Variants in PCNX1 observed in about 807,000 individuals in gnomAD.
PCNX1 encodes pecanex 1.
A neutral mutation model predicts 242.2 loss-of-function variants in PCNX1; 78 were observed. The observed-to-expected ratio is 0.32, with a 90% CI of 0.27 to 0.39. The LOEUF (loss-of-function observed/expected upper bound fraction) is 0.39, where lower values mean the gene tolerates loss of function less well. PCNX1 is among the 10% of genes least tolerant of loss of function. PCNX1 has a pLI of 1.00. For synonymous variants in PCNX1, 1,024 were observed against 1,032.9 expected, an observed-to-expected ratio of 0.99 and a Z score of 0.17; for missense variants, 2,581 against 2,856.5, an observed-to-expected ratio of 0.90 and a Z score of 2.20.
At chr14:70,917,558 G>T (rs1341429176) in intron 1 of PCNX1, among the ~76,000 whole-genome samples, 1 of 152,168 alleles carries the variant, frequency 6.6e-6, no homozygotes, top group Non-Finnish European at 1.5e-5. Flanking sequence ...AGACCAGTAG[G>T]TCTCAAAGAT....
intron 18 of PCNX1, among the ~76,000 whole-genome samples, chr14:71,034,700 A>T (rs962837081): frequency 6.6e-6 from 1 of 152,238 alleles, no homozygotes; most frequent in African/African-American, 2.4e-5. Context: ...GAATTTATGT[A>T]GATGTTGAAT....
intron 18 of PCNX1, among the ~76,000 whole-genome samples, chr14:71,034,773 T>A (rs2060483954): frequency 1.3e-5 from 2 of 152,308 alleles, no homozygotes; most frequent in South Asian, 4.1e-4. Context: ...ACTTTAGAAA[T>A]ACAAAACTAT....
Position 71,089,424 on chromosome 14 carries a change from C to G in PCNX1, c.5589+82C>G, listed in dbSNP as rs534343396. 8 of 1,056,826 alleles carry G rather than the reference C, an allele frequency of 7.6e-6. No homozygotes were observed. The African/African-American group carries it at 7.9e-5, about 10-fold the overall frequency. The allele number at this position is 1,056,826 out of a possible 1,614,324, so 65.5% of individuals were successfully genotyped here. On this transcript the variant is annotated intron_variant, in intron 30 of 35. Coordinates refer to ENST00000304743, the MANE Select transcript of PCNX1 (RefSeq NM_014982.3). The stretch of plus-strand genomic sequence containing the variant: ...TGATTTCAATATTAGTCCATTCTCA[C>G]GCTGCTGTAAGGAATACCCGAGACT...
chr14:71,097,186 T>A (rs557784947), intron 30 of PCNX1, among the ~76,000 whole-genome samples: 2 of 152,354 alleles, frequency 1.3e-5, no homozygotes, highest in South Asian at 4.1e-4. Flanking sequence ...GGTGTATACG[T>A]ACCTCATTTC....
chr14:70,952,211 A>C (rs1218371962), intron 2 of PCNX1, among the ~76,000 whole-genome samples: 1 of 152,144 alleles, frequency 6.6e-6, no homozygotes, highest in Non-Finnish European at 1.5e-5. Flanking sequence ...TTATTTCTGG[A>C]TATTATATAT....
In PCNX1 at chr14:71,088,313, T is replaced by G. The variant is rs1405872206; in HGVS notation, c.5338-17T>G. ...TACATACCTTTCTGATAACTAATGTTTTTTGTTTTTTTAAAGCCTGTGGAT... is the reference window on the plus strand; with the variant it reads ...TACATACCTTTCTGATAACTAATGTGTTTTGTTTTTTTAAAGCCTGTGGAT... On this transcript the variant is annotated splice_polypyrimidine_tract_variant and intron_variant, in intron 28 of 35. Coordinates refer to ENST00000304743, the MANE Select transcript of PCNX1 (RefSeq NM_014982.3). 1 of 1,473,146 alleles carries G rather than the reference T, an allele frequency of 6.8e-7. No individual in the cohort carries two copies. Among genetic ancestry groups the G allele is most frequent in the Non-Finnish European group, 9.5e-7 (1 of 1,053,988 alleles). 91.3% of individuals were successfully genotyped at this position (1,473,146 alleles called of 1,614,324 possible). A position where few individuals can be genotyped will look rare whatever the true frequency, so the allele number is the denominator to read the frequency against.
intron 24 of PCNX1, 128 bp downstream of exon 24, chr14:71,052,140 TAATA>T (rs752236521): frequency 9.1e-5 from 61 of 667,486 alleles, no homozygotes; most frequent in South Asian, 1.4e-4. Context: ...TGCTAAAACT[TAATA>T]AATAGTCTTA....
At chr14:71,006,909 T>A (rs886296494) in intron 8 of PCNX1, among the ~76,000 whole-genome samples, 1 of 152,178 alleles carries the variant, frequency 6.6e-6, no homozygotes, top group African/African-American at 2.4e-5. Context: ...CATGAGGCCT[T>A]ATTACAGTGT....
rs2060148278 is a variant in PCNX1 at position 71,023,091 on chromosome 14, G to A, written c.3151-109G>A. 37 of 800,996 alleles carry A rather than the reference G, an allele frequency of 4.6e-5. No homozygotes were observed. In the South Asian group the frequency reaches 4.9e-4, roughly 11 times the overall value. The allele number at this position is 800,996 out of a possible 1,614,324, so 49.6% of individuals were successfully genotyped here. ...CAGAATTATTAATATAGGTCATTTT[G>A]TGGTTGTGGAATATTTACTTAAAAT... On this transcript the variant is annotated intron_variant, in intron 12 of 35. Coordinates refer to ENST00000304743, the MANE Select transcript of PCNX1 (RefSeq NM_014982.3).
rs1375533994 is a variant in PCNX1, at chr14:70,977,780, T to C, written c.1443T>C (p.Gly481=). ...CTGATGAGATGCACAACCAGAGAGGTCTCAGCACCTCTGCATCTGAAGAAG... is the reference window on the plus strand; with the variant it reads ...CTGATGAGATGCACAACCAGAGAGGCCTCAGCACCTCTGCATCTGAAGAAG... The part of the protein sequence containing the change: ...TPSDEMHNQR[G]LSTSASEEAN... The change falls in exon 6 of 36, where the codon GGT becomes GGC. Residue 481 remains glycine (G), a synonymous_variant. Coordinates refer to ENST00000304743, the MANE Select transcript of PCNX1 (RefSeq NM_014982.3). The C allele has an allele frequency of 6.2e-7, 1 of 1,613,106 alleles. No homozygotes were observed. Among genetic ancestry groups the C allele is most frequent in the Admixed American group, 1.7e-5 (1 of 59,888 alleles).
chr14:71,110,168 C>T lies in PCNX1; in HGVS notation c.*233C>T, dbSNP rs1211543286. 1.7e-6 allele frequency: 1 copy of T among 573,110 alleles called. No homozygotes were observed. The highest frequency in any genetic ancestry group is 3.2e-6 in the Non-Finnish European group (1 of 315,980). The allele number at this position is 573,110 out of a possible 1,614,324, so 35.5% of individuals were successfully genotyped here. ...TTTTTTAAGTTAGCTGCCGAGAAAA[C>T]ATTTTGCATGAAGGATAAAGTTCTG... On this transcript the variant is annotated 3_prime_UTR_variant, in exon 36 of 36. Transcript: ENST00000304743.
chr14:71,061,035 T>C (rs990156318), intron 26 of PCNX1, among the ~76,000 whole-genome samples: 1 of 152,168 alleles, frequency 6.6e-6, no homozygotes, highest in African/African-American at 2.4e-5. Flanking sequence ...AAGCTGATTG[T>C]GAGGAAAATT....
intron 11 of PCNX1, among the ~76,000 whole-genome samples, chr14:71,017,688 C>A (rs117022745): frequency 6.6e-6 from 1 of 152,210 alleles, no homozygotes; most frequent in South Asian, 2.1e-4. Context: ...AATCCAAAGA[C>A]AAGACATGTT....
chr14:70,921,660 G>A (rs2056380339), intron 1 of PCNX1, among the ~76,000 whole-genome samples: 1 of 152,106 alleles, frequency 6.6e-6, no homozygotes, highest in South Asian at 2.1e-4. Context: ...TATACTTGAA[G>A]TGATCTTTTT....
Position 70,962,228 on chromosome 14 carries a change from A to T in PCNX1, c.365A>T (p.Asp122Val), listed in dbSNP as rs751389916. ...TRRKDSNGPS[D>V]PGGGIEMSEF... ...TTTTCTCATTTTTTTCTCCACAGTG[A>T]TCCTGGTGGAGGGATTGAAATGTCT... Residue 122 changes from aspartate to valine, a missense_variant and splice_region_variant, in exon 3 of 36, where the codon GAT becomes GTT. Physicochemically the swap from Asp to Val is radical, Grantham distance 152. Transcript: ENST00000304743. 22 of 1,591,046 alleles carry T rather than the reference A, an allele frequency of 1.4e-5. No homozygotes were observed. Among genetic ancestry groups the T allele is most frequent in the Non-Finnish European group, 1.8e-5 (21 of 1,159,108 alleles).
chr14:70,944,288 C>T (rs980155617), intron 1 of PCNX1, among the ~76,000 whole-genome samples: 1 of 152,226 alleles, frequency 6.6e-6, no homozygotes, highest in African/African-American at 2.4e-5. Flanking sequence ...ATGGAGCTGT[C>T]CAAGGCCATG....
intron 1 of PCNX1, among the ~76,000 whole-genome samples, chr14:70,938,799 A>G (rs1220148611): frequency 6.6e-6 from 1 of 152,146 alleles, no homozygotes; most frequent in Non-Finnish European, 1.5e-5. Flanking sequence ...TATTGCCTCA[A>G]TTTCAAAGCC....
intron 20 of PCNX1, among the ~76,000 whole-genome samples, chr14:71,045,516 C>A (rs1463885949): frequency 1.3e-5 from 2 of 152,144 alleles, no homozygotes; most frequent in South Asian, 2.1e-4. Context: ...TACTTCTCCC[C>A]TCTCTAAATT....
intron 30 of PCNX1, among the ~76,000 whole-genome samples, chr14:71,094,210 A>G (rs1392242028): frequency 6.6e-6 from 1 of 152,260 alleles, no homozygotes; most frequent in Non-Finnish European, 1.5e-5. Flanking sequence ...AAATTATGGT[A>G]TATCCACACA....
Sources: gnomAD v4.1 joint callset for allele counts (sites outside exome capture counted in the v4.1 genomes callset) on GRCh38, gnomAD v4.1.1 for gene constraint, MANE v1.5 for transcripts, NCBI Gene and HGNC (gene_info 2026-07-23, HGNC 2026-07-21) for gene names.